Variants in AKR1B1 observed in about 807,000 individuals in gnomAD.
AKR1B1 encodes the protein aldo-keto reductase family 1 member B, also known as aldo-keto reductase family 1 member B1.
In AKR1B1, 22 loss-of-function variants were observed where a neutral mutation model predicts 40.4. The observed-to-expected ratio is 0.54, with a 90% CI of 0.39 to 0.78. The LOEUF is 0.78. Ranked by LOEUF, AKR1B1 falls within the 30% of genes least tolerant of loss-of-function variation. AKR1B1 has a pLI of 0.00. For synonymous variants in AKR1B1, 157 were observed against 149.9 expected, an observed-to-expected ratio of 1.05 and a Z score of -0.35; for missense variants, 357 against 396.7, an observed-to-expected ratio of 0.90 and a Z score of 0.85.
chr7:134,452,242 C>A (rs1049502439), intron 1 of AKR1B1, among the ~76,000 whole-genome samples: 1 of 152,160 alleles, frequency 6.6e-6, no homozygotes, highest in Non-Finnish European at 1.5e-5. Flanking sequence ...GCTTCTGATA[C>A]CGGCAGTCGC....
intron 2 of AKR1B1, 23 bp downstream of exon 2, chr7:134,451,563 C>T: frequency 1.2e-6 from 2 of 1,612,966 alleles, no homozygotes; most frequent in Non-Finnish European, 1.7e-6. Context: ...AGAGCCCCTT[C>T]CAGCCCCACC....
At chr7:134,451,780 GC>G (rs747927274) in intron 1 of AKR1B1, 27 bp from the exon 2 acceptor site, 1 of 1,610,848 alleles carries the variant, frequency 6.2e-7, no homozygotes, top group Non-Finnish European at 8.5e-7. Context: ...CGTGAGCCCC[GC>G]AGAATGCAGA....
At chr7:134,456,419 T>C (rs936637727) in intron 1 of AKR1B1, among the ~76,000 whole-genome samples, 1 of 151,936 alleles carries the variant, frequency 6.6e-6, no homozygotes, top group Non-Finnish European at 1.5e-5. Context: ...CAGGACGGTC[T>C]CTATCTTCTG....
intron 8 of AKR1B1, among the ~76,000 whole-genome samples, chr7:134,445,824 GTA>G (rs1353279155): frequency 1.3e-5 from 2 of 152,256 alleles, no homozygotes; most frequent in Admixed American, 1.3e-4. Flanking sequence ...GGCCTAAGAA[GTA>G]TAAGATTTTG....
At chr7:134,454,233 A>C (rs983461748) in intron 1 of AKR1B1, among the ~76,000 whole-genome samples, 7 of 152,202 alleles carry the variant, frequency 4.6e-5, no homozygotes, top group Admixed American at 3.3e-4. Flanking sequence ...CTGGCTCTGC[A>C]AAGCTCTACG....
In AKR1B1 at chr7:134,445,320, C is replaced by T; in HGVS notation, c.826G>A (p.Val276Ile). The change falls in exon 9 of 10, where the codon GTC becomes ATC. Residue 276 changes from valine (V) to isoleucine (I), a missense_variant and splice_region_variant. Val to Ile is a conservative substitution (Grantham distance 29, BLOSUM62 3). Transcript: ENST00000285930. ...TGGCTGCTCAGTTCAAAGTCAAAGA[C>T]CTAAAAAACAAACAAAAAAATCCAG... ...TPERIAENFK[V>I]FDFELSSQDM... 6.2e-7 allele frequency: 1 copy of T among 1,611,594 alleles called. No individual in the cohort carries two copies. Among genetic ancestry groups the T allele is most frequent in the Non-Finnish European group, 8.5e-7 (1 of 1,179,020 alleles).
intron 8 of AKR1B1, 118 bp downstream of exon 8, chr7:134,447,180 G>C: frequency 1.1e-6 from 1 of 941,924 alleles, no homozygotes; most frequent in Non-Finnish European, 1.7e-6. Flanking sequence ...ACAGCTCCCT[G>C]GCCTCAGAAG....
intron 9 of AKR1B1, 144 bp from the exon 10 acceptor site, chr7:134,442,914 T>C (rs1805982521): frequency 2.5e-6 from 2 of 796,226 alleles, no homozygotes; most frequent in African/African-American, 1.7e-5. Flanking sequence ...GTGCAGATGA[T>C]GGTTCTGCAG....
chr7:134,446,070 GAA>G (rs1361627170), intron 8 of AKR1B1, among the ~76,000 whole-genome samples: 3 of 152,200 alleles, frequency 2.0e-5, no homozygotes, highest in African/African-American at 7.2e-5. Context: ...TATGATCACA[GAA>G]AAATGTGCAA....
At position 134,448,033 on chromosome 7, in the gene AKR1B1, C is replaced by T. The variant is rs1484242051; in HGVS notation, c.688G>A (p.Glu230Lys). The part of the protein sequence containing the change: ...WAKPEDPSLL[E>K]DPRIKAIAAK... The stretch of plus-strand genomic sequence containing the variant: ...GCGATCGCCTTGATCCTGGGATCCT[C>T]CAGGAGAGAAGGGTCCTCGGGCTTG... Residue 230 changes from glutamate (E) to lysine (K), a missense_variant, in exon 7 of 10, where the codon GAG becomes AAG. By Grantham distance (56) the Glu-to-Lys change is moderately conservative (BLOSUM62 1). Transcript: ENST00000285930. 1 of 1,613,198 alleles carries T rather than the reference C, an allele frequency of 6.2e-7. No individual in the cohort carries two copies. Among genetic ancestry groups the T allele is most frequent in the Non-Finnish European group, 8.5e-7 (1 of 1,179,822 alleles).
At chr7:134,444,846 T>C in intron 9 of AKR1B1, 1 of 331,354 alleles carries the variant, frequency 3.0e-6, no homozygotes, top group South Asian at 2.8e-5. Flanking sequence ...CCCCAGGGGC[T>C]CCCGACCAAA....
chr7:134,448,110 C>T, intron 6 of AKR1B1, 49 bp from the exon 7 acceptor site: 1 of 1,493,294 alleles, frequency 6.7e-7, no homozygotes, highest in Non-Finnish European at 9.2e-7. Context: ...CCACCACTCA[C>T]AGCAGCCAGA....
intron 2 of AKR1B1, chr7:134,451,367 G>C: frequency 6.2e-6 from 4 of 641,590 alleles, no homozygotes; most frequent in Non-Finnish European, 1.1e-5. Context: ...CATCAGCACG[G>C]GACTCTAAGC....
At chr7:134,444,825 T>C in intron 9 of AKR1B1, 1 of 315,848 alleles carries the variant, frequency 3.2e-6, no homozygotes, top group South Asian at 3.1e-5. Context: ...CGGGACTGTC[T>C]CAAACCTCAG....
At position 134,450,805 on chromosome 7, in the gene AKR1B1, T is replaced by C; in HGVS notation, c.332A>G (p.His111Arg). The C allele has an allele frequency of 6.2e-7, 1 of 1,613,938 alleles. No homozygotes were observed. Among genetic ancestry groups the C allele is most frequent in the Non-Finnish European group, 8.5e-7 (1 of 1,179,984 alleles). The change falls in exon 3 of 10, where the codon CAC becomes CGC. Residue 111 changes from histidine to arginine, a missense_variant. By Grantham distance (29) the His-to-Arg change is conservative. Transcript: ENST00000285930. ...CCATACCTTAAAGCCAGTCGGCCAG[T>C]GAATAAGGTAGAGGTCCAGGTAGTC... is the stretch of plus-strand genomic sequence containing the variant. ...KLDYLDLYLI[H>R]WPTGFKPGKE...
chr7:134,447,953 G>T (rs376109558), intron 7 of AKR1B1, 27 bp downstream of exon 7: 1 of 1,595,062 alleles, frequency 6.3e-7, no homozygotes, highest in East Asian at 2.2e-5. Flanking sequence ...AGTTGTGGAC[G>T]GTCAGCAACA....
intron 1 of AKR1B1, among the ~76,000 whole-genome samples, chr7:134,452,872 T>C (rs577860231): frequency 6.6e-6 from 1 of 152,170 alleles, no homozygotes; most frequent in South Asian, 2.1e-4. Flanking sequence ...TGGAGCTCAC[T>C]CTCCACCTCA....
intron 1 of AKR1B1, among the ~76,000 whole-genome samples, chr7:134,457,707 A>G (rs1806514192): frequency 6.6e-6 from 1 of 152,104 alleles, no homozygotes; most frequent in Non-Finnish European, 1.5e-5. Context: ...TTCAAATTTT[A>G]AGAGAAAAAC....
chr7:134,449,200 G>T, intron 4 of AKR1B1, 81 bp from the exon 5 acceptor site: 1 of 1,584,912 alleles, frequency 6.3e-7, no homozygotes, highest in South Asian at 1.1e-5. Flanking sequence ...CCAGTTTAAC[G>T]GGTCCTGCCC....
Sources: gnomAD v4.1 joint callset for allele counts (sites outside exome capture counted in the v4.1 genomes callset) on GRCh38, gnomAD v4.1.1 for gene constraint, MANE v1.5 for transcripts, NCBI Gene and HGNC (gene_info 2026-07-23, HGNC 2026-07-21) for gene names.